Variants in PRH1 observed in about 807,000 individuals in gnomAD.
PRH1 encodes proline rich protein HaeIII subfamily 1.
PRH1 carries 7 observed loss-of-function variants against 7.9 expected under a neutral mutation model. The observed-to-expected ratio is 0.89, with a 90% CI of 0.50 to 1.67. The LOEUF (loss-of-function observed/expected upper bound fraction) is 1.67. Among genes scored for constraint, PRH1 ranks in the 40% most tolerant of loss-of-function variants. PRH1 has a pLI of 0.00. For synonymous variants in PRH1, 45 were observed against 80.8 expected (o/e 0.56, Z 2.38); for missense variants, 109 against 223.6 (o/e 0.49, Z 3.27).
chr12:11,163,063 AT>A (rs1159285194), intron 1 of PRH1, among the ~76,000 whole-genome samples: 2 of 152,222 alleles, frequency 1.3e-5, no homozygotes, highest in African/African-American at 2.4e-5. Flanking sequence ...TAAGAATGGT[AT>A]TGTCAAAAGC....
At chr12:11,031,152 A>G (rs1478428943) in intron 1 of PRH1, 1 of 1,612,810 alleles carries the variant, frequency 6.2e-7, no homozygotes, top group Admixed American at 1.7e-5. Flanking sequence ...TTTAATAATA[A>G]TACCCAGAGC....
At chr12:11,136,711 C>T (rs1424819806) in intron 1 of PRH1, among the ~76,000 whole-genome samples, 1 of 152,106 alleles carries the variant, frequency 6.6e-6, no homozygotes, top group Admixed American at 6.6e-5. Flanking sequence ...TTCCTTCTTG[C>T]ATATTCAACT....
chr12:10,981,777 A>G (rs1001579065), intron 1 of PRH1, among the ~76,000 whole-genome samples: 2 of 151,990 alleles, frequency 1.3e-5, no homozygotes, highest in African/African-American at 2.4e-5. Flanking sequence ...AGCTCACTGC[A>G]AACTCGAATT....
chr12:10,901,164 T>C (rs896311680), intron 2 of PRH1, among the ~76,000 whole-genome samples: 1 of 152,170 alleles, frequency 6.6e-6, no homozygotes, highest in African/African-American at 2.4e-5. Context: ...CTCTCTGTTT[T>C]ATGCCCAGGC....
At chr12:11,147,361 T>A (rs963890016) in intron 1 of PRH1, among the ~76,000 whole-genome samples, 3 of 152,110 alleles carry the variant, frequency 2.0e-5, no homozygotes, top group Non-Finnish European at 4.4e-5. Context: ...CTAATTTTTG[T>A]ATTTTTAGTA....
chr12:10,890,926 C>T (rs1357371664), intron 2 of PRH1, among the ~76,000 whole-genome samples: 1 of 151,810 alleles, frequency 6.6e-6, no homozygotes, highest in Non-Finnish European at 1.5e-5. Flanking sequence ...TGCTATTGTC[C>T]TCCATCCCTC....
chr12:11,042,620 A>ATTTTTTTTTTTTTTTTTTTTT (rs1337131350), intron 1 of PRH1, among the ~76,000 whole-genome samples: 2 of 92,924 alleles, frequency 2.2e-5, no homozygotes, highest in African/African-American at 4.0e-5. Flanking sequence ...TTCCAGGCTC[A>ATTTTTTTTTTTTTTTTTTTTT]TTCTTTTTTT....
intron 2 of PRH1, among the ~76,000 whole-genome samples, chr12:10,965,866 A>G (rs1462645227): frequency 2.6e-5 from 4 of 152,244 alleles, no homozygotes; most frequent in African/African-American, 7.2e-5. Flanking sequence ...AGATTTAAAT[A>G]GACAAAATCC....
At chr12:11,066,098 T>G (rs561079327) in intron 1 of PRH1, among the ~76,000 whole-genome samples, 163 of 151,926 alleles carry the variant, frequency 1.1e-3, no homozygotes, top group Middle Eastern at 3.4e-3. Flanking sequence ...AGTAAAACAG[T>G]ACATACAAGT....
At chr12:10,997,502 GCCTT>G (rs1384248738) in intron 1 of PRH1, 2 of 1,613,918 alleles carry the variant, frequency 1.2e-6, no homozygotes, top group East Asian at 4.5e-5. Flanking sequence ...TACACTCTTA[GCCTT>G]CCTTTTTAAG....
intron 1 of PRH1, among the ~76,000 whole-genome samples, chr12:11,041,412 A>T (rs2136126202): frequency 6.6e-6 from 1 of 152,140 alleles, no homozygotes; most frequent in Non-Finnish European, 1.5e-5. Context: ...AAAAGGGTCA[A>T]TTCACCAAAA....
intron 1 of PRH1, among the ~76,000 whole-genome samples, chr12:11,054,217 C>G (rs61912889): frequency 0.022 from 3,357 of 150,848 alleles, 64 homozygotes; most frequent in Middle Eastern, 0.049. Flanking sequence ...TAATGATTTG[C>G]AAGATATTTT....
At chr12:10,923,087 C>CA (rs1313209680) in intron 2 of PRH1, among the ~76,000 whole-genome samples, 1 of 150,674 alleles carries the variant, frequency 6.6e-6, no homozygotes, top group Non-Finnish European at 1.5e-5. Flanking sequence ...CTCGGCCTCC[C>CA]AAAGTGCTGG....
chr12:10,937,853 T>C (rs1047179540), intron 2 of PRH1: 1 of 156,348 alleles, frequency 6.4e-6, no homozygotes, highest in African/African-American at 2.4e-5. Context: ...AAACACTTAA[T>C]ATAGGTACTA....
chr12:10,979,243 G>T lies in PRH1; in HGVS notation c.-125-5522C>A, dbSNP rs562767078. On this transcript the variant is annotated intron_variant, in intron 1 of 3. Transcript: ENST00000539853. ...ATAACAAACCTGCACATATACCTCTGAACCTAAAATAAAATCTAAAAAAAA... is the reference window on the plus strand; with the variant it reads ...ATAACAAACCTGCACATATACCTCTTAACCTAAAATAAAATCTAAAAAAAA... Among the ~76,000 whole-genome samples the T allele has an allele frequency of 3.3e-5, 5 of 152,200 alleles. No individual in the cohort carries two copies. The South Asian group carries it at 1.0e-3, about 32-fold the overall frequency.
intron 2 of PRH1, among the ~76,000 whole-genome samples, chr12:10,893,693 G>T (rs1424147283): frequency 6.6e-6 from 1 of 152,014 alleles, no homozygotes; most frequent in East Asian, 1.9e-4. Context: ...TTTTTCTAGG[G>T]TTTACTTTTT....
chr12:11,064,743 C>T (rs529518701), intron 1 of PRH1, among the ~76,000 whole-genome samples: 2 of 152,044 alleles, frequency 1.3e-5, no homozygotes, highest in African/African-American at 2.4e-5. Flanking sequence ...ATTTGTATTC[C>T]TTTTTGCATA....
intron 2 of PRH1, among the ~76,000 whole-genome samples, chr12:10,944,989 T>C (rs1193349432): frequency 1.3e-5 from 2 of 152,160 alleles, no homozygotes; most frequent in Admixed American, 6.5e-5. Context: ...TTTGCATCGA[T>C]GTCCATCAAG....
intron 1 of PRH1, chr12:11,022,060 G>T: frequency 6.2e-7 from 1 of 1,613,890 alleles, no homozygotes; most frequent in Non-Finnish European, 8.5e-7. Flanking sequence ...AAGGTGTATT[G>T]CATTCCTCAA....
Sources: allele counts gnomAD v4.1 joint callset (sites outside exome capture counted in the v4.1 genomes callset), GRCh38; gene constraint gnomAD v4.1.1; transcripts MANE v1.5; gene names NCBI Gene and HGNC (gene_info 2026-07-23, HGNC 2026-07-21).